EDN3: variants seen among roughly 807,000 people sequenced by gnomAD.
The protein encoded by EDN3 is endothelin 3.
A neutral mutation model predicts 21.4 loss-of-function variants in EDN3; 9 were observed. The observed-to-expected ratio is 0.42, with a 90% CI of 0.25 to 0.73. The LOEUF is 0.73. Among genes scored for constraint, EDN3 ranks in the 30% least tolerant of loss-of-function variants. EDN3 has a pLI of 0.26. For missense variants in EDN3, 327 were observed against 309.4 expected (o/e 1.06, Z -0.43); for synonymous variants, 133 against 126.2 (o/e 1.05, Z -0.36).
intron 2 of EDN3, among the ~76,000 whole-genome samples, chr20:59,308,378 C>T (rs1168125295): frequency 1.3e-5 from 2 of 152,326 alleles, no homozygotes; most frequent in South Asian, 4.1e-4. Flanking sequence ...TCCATCTCTT[C>T]TTGCAGATCC....
At chr20:59,310,827 C>T (rs912559351) in intron 2 of EDN3, among the ~76,000 whole-genome samples, 11 of 43,248 alleles carry the variant, frequency 2.5e-4, no homozygotes, top group East Asian at 2.0e-3. Flanking sequence ...ACTTGGGGAG[C>T]GCAAATTGCT....
intron 1 of EDN3, 63 bp from the exon 2 acceptor site, chr20:59,301,347 G>T (rs1324171096): frequency 1.3e-6 from 2 of 1,575,072 alleles, no homozygotes; most frequent in East Asian, 2.3e-5. Context: ...AGGTGTTTGG[G>T]GGTGGCGGGT....
chr20:59,319,744 AAAAAAAAG>A (rs1568842124), intron 2 of EDN3, among the ~76,000 whole-genome samples: 1 of 148,730 alleles, frequency 6.7e-6, no homozygotes, highest in East Asian at 1.9e-4. Flanking sequence ...AAAAAAAAAG[AAAAAAAAG>A]AAAAAAAGAA....
intron 2 of EDN3, among the ~76,000 whole-genome samples, chr20:59,317,255 G>A (rs529073252): frequency 1.2e-4 from 18 of 152,294 alleles, no homozygotes; most frequent in Admixed American, 3.3e-4. Flanking sequence ...GTCAGAGCTC[G>A]GTGAGAAGGT....
Position 59,324,609 on chromosome 20 carries a change from A to AC in EDN3, c.*151dup. ...CCCCACTTAACAATACCCCCCCCCC[A>AC]CGGCAAGAATGCCCAAATCCGAATG... is the stretch of plus-strand genomic sequence containing the variant. On this transcript the variant is annotated 3_prime_UTR_variant, in exon 5 of 5. Coordinates refer to ENST00000337938, the MANE Select transcript of EDN3 (RefSeq NM_207034.3). The AC allele has an allele frequency of 2.2e-6, 2 of 929,330 alleles. No homozygotes were observed. Among genetic ancestry groups the AC allele is most frequent in the Non-Finnish European group, 3.2e-6 (2 of 626,898 alleles). 57.6% of individuals were successfully genotyped at this position (929,330 alleles called of 1,614,324 possible). A position where few individuals can be genotyped will look rare whatever the true frequency, so the allele number is the denominator to read the frequency against.
At chr20:59,314,735 G>C (rs1023097161) in intron 2 of EDN3, among the ~76,000 whole-genome samples, 1 of 152,110 alleles carries the variant, frequency 6.6e-6, no homozygotes, top group African/African-American at 2.4e-5. Context: ...ATTCTCCAAA[G>C]AGAAGGTGGC....
At position 59,324,340 on chromosome 20, in the gene EDN3, A is replaced by G. The variant is rs1455699227; in HGVS notation, c.598A>G (p.Lys200Glu). The change falls in exon 5 of 5, where the codon AAG (lysine) becomes GAG (glutamate). Residue 200 changes from lysine to glutamate, a missense_variant. Coordinates refer to ENST00000337938, the MANE Select transcript of EDN3 (RefSeq NM_207034.3). ...DKEEEGKVEV[K>E]DQQSKQALDL... is the part of the protein sequence containing the mutation. ...CCTTTCCCCAAGACAGGTTGAAGTC[A>G]AGGACCAACAAAGCAAGCAGGCTTT... 3 of 1,614,072 alleles carry G rather than the reference A, an allele frequency of 1.9e-6. No individual in the cohort carries two copies. The highest frequency in any genetic ancestry group is 2.7e-5 in the African/African-American group (2 of 74,990).
chr20:59,322,590 T>C lies in EDN3; in HGVS notation c.588+173T>C. The C allele has an allele frequency of 1.1e-6, 1 of 901,004 alleles. No individual in the cohort carries two copies. The highest frequency in any genetic ancestry group is 1.4e-5 in the South Asian group (1 of 69,376). 55.8% of individuals were successfully genotyped at this position (901,004 alleles called of 1,614,324 possible). A position where few individuals can be genotyped will look rare whatever the true frequency, so the allele number is the denominator to read the frequency against. Reference sequence around the variant, plus strand: ...GCAATGGTGCCTTTGGTGGACCGTTTCTGGGGGCAGAGCGGGCTGAAGCTG... The same window carrying C: ...GCAATGGTGCCTTTGGTGGACCGTTCCTGGGGGCAGAGCGGGCTGAAGCTG... On this transcript the variant is annotated intron_variant, in intron 4 of 4. Transcript: ENST00000337938. The surrounding 1 kb of genome is among the most constrained non-coding windows in gnomAD (Gnocchi z 4.1).
intron 2 of EDN3, among the ~76,000 whole-genome samples, chr20:59,302,403 GC>G (rs1989111596): frequency 6.6e-6 from 1 of 152,138 alleles, no homozygotes; most frequent in Non-Finnish European, 1.5e-5. Context: ...TTACCCTAGG[GC>G]CTAGACAGCA....
chr20:59,310,515 GCT>G (rs1038410900), intron 2 of EDN3, among the ~76,000 whole-genome samples: 1 of 152,156 alleles, frequency 6.6e-6, no homozygotes, highest in African/African-American at 2.4e-5. Flanking sequence ...TGAGGCATCA[GCT>G]CTCTTTCTCA....
chr20:59,302,519 C>G (rs1160698153), intron 2 of EDN3, among the ~76,000 whole-genome samples: 1 of 152,092 alleles, frequency 6.6e-6, no homozygotes, highest in East Asian at 1.9e-4. Context: ...TGATGACTCC[C>G]AGTGTTCAGG....
At chr20:59,317,329 A>T (rs1990247034) in intron 2 of EDN3, among the ~76,000 whole-genome samples, 1 of 152,198 alleles carries the variant, frequency 6.6e-6, no homozygotes, top group Admixed American at 6.5e-5. Flanking sequence ...GCTAAGTCAA[A>T]CATCTCAAAT....
rs566162107 is a variant in EDN3, at chr20:59,307,403, A to G, written c.365+5681A>G. On this transcript the variant is annotated intron_variant, in intron 2 of 4. Transcript: ENST00000337938. ...TTTACAGGAAGAAGCTGAGCCCAGG[A>G]GGCGGAGTCAGTTGGCCAAGGTTGC... Among the ~76,000 whole-genome samples the G allele has an allele frequency of 2.0e-5, 3 of 152,290 alleles. No individual in the cohort carries two copies. The South Asian group carries it at 6.2e-4, about 32-fold the overall frequency.
rs980546441 is a variant in EDN3, at chr20:59,325,524, G to C, written c.*1065G>C. The C allele has an allele frequency of 6.6e-6, 1 of 152,224 alleles. No homozygotes were observed. The highest frequency in any genetic ancestry group is 1.5e-5 in the Non-Finnish European group (1 of 68,040). 9.4% of individuals were successfully genotyped at this position (152,224 alleles called of 1,614,324 possible). On this transcript the variant is annotated 3_prime_UTR_variant, in exon 5 of 5. Coordinates refer to ENST00000337938, the MANE Select transcript of EDN3 (RefSeq NM_207034.3). Reference sequence around the variant, plus strand: ...CCCAGTCACAGAGAGATAGGAAACGGCATTTGAGTGGGTGTCCAGGGCCCC... The same window carrying C: ...CCCAGTCACAGAGAGATAGGAAACGCCATTTGAGTGGGTGTCCAGGGCCCC...
chr20:59,302,315 C>T (rs892503234), intron 2 of EDN3, among the ~76,000 whole-genome samples: 2 of 152,138 alleles, frequency 1.3e-5, no homozygotes, highest in Non-Finnish European at 2.9e-5. Context: ...CTTGGGCCTT[C>T]CACAGGCTGG....
At chr20:59,311,231 A>C (rs1009434587) in intron 2 of EDN3, among the ~76,000 whole-genome samples, 21 of 152,028 alleles carry the variant, frequency 1.4e-4, no homozygotes, top group African/African-American at 4.8e-4. Context: ...AATCTATTGG[A>C]GCTATTACTG....
intron 2 of EDN3, among the ~76,000 whole-genome samples, chr20:59,313,552 A>T (rs886544551): frequency 7.9e-5 from 12 of 152,146 alleles, no homozygotes; most frequent in African/African-American, 2.9e-4. Flanking sequence ...GTAATTTTTT[A>T]AAAAGGCAAC....
intron 2 of EDN3, among the ~76,000 whole-genome samples, chr20:59,316,933 C>G (rs1990223594): frequency 6.6e-6 from 1 of 152,190 alleles, no homozygotes; most frequent in Non-Finnish European, 1.5e-5. Flanking sequence ...ACCTGCTTTT[C>G]TTTTGCATGG....
intron 2 of EDN3, among the ~76,000 whole-genome samples, chr20:59,301,958 T>A (rs2146816994): frequency 6.6e-6 from 1 of 152,258 alleles, no homozygotes; most frequent in Middle Eastern, 3.4e-3. Flanking sequence ...CTGAGTTTGA[T>A]CCTGTGGAAG....
Sources: allele counts gnomAD v4.1 joint callset (sites outside exome capture counted in the v4.1 genomes callset), GRCh38; gene constraint gnomAD v4.1.1; non-coding constraint Gnocchi (gnomAD v3.1); transcripts MANE v1.5; gene names NCBI Gene and HGNC (gene_info 2026-07-23, HGNC 2026-07-21).